DRC5: variants seen among roughly 807,000 people sequenced by gnomAD.
The protein encoded by DRC5 is T-complex-associated testis-expressed protein 1.
the DRC5 span, chr6:44,280,033 G>T: frequency 1.4e-6 from 1 of 709,062 alleles, no homozygotes; most frequent in Non-Finnish European, 2.4e-6. Flanking sequence ...CCTGCCTCAT[G>T]TCTCCATCCA....
chr6:44,282,386 G>A, the DRC5 span: 1 of 1,614,078 alleles, frequency 6.2e-7, no homozygotes, highest in Non-Finnish European at 8.5e-7. Context: ...TGTTAGCCAG[G>A]TTGAGCACAC....
At chr6:44,280,057 C>A in the DRC5 span, 4 of 859,052 alleles carry the variant, frequency 4.7e-6, no homozygotes, top group Non-Finnish European at 7.4e-6. Flanking sequence ...AACCCTTGAT[C>A]ACTCCAAGGT....
the DRC5 span, chr6:44,287,917 A>G: frequency 1.3e-6 from 2 of 1,483,618 alleles, no homozygotes; most frequent in South Asian, 2.7e-5. Context: ...ACAGGTAGGG[A>G]TCTGGAGCAA....
the DRC5 span, among the ~76,000 whole-genome samples, chr6:44,291,045 T>A: frequency 6.6e-6 from 1 of 152,210 alleles, no homozygotes; most frequent in Non-Finnish European, 1.5e-5. Context: ...TCGGGGCATG[T>A]TCCAGGGCCC....
At chr6:44,297,243 G>T in the DRC5 span, among the ~76,000 whole-genome samples, 3 of 152,204 alleles carry the variant, frequency 2.0e-5, no homozygotes, top group African/African-American at 7.2e-5. Flanking sequence ...CCGCACCCGC[G>T]GGAGGGATTA....
At chr6:44,284,809 A>G in the DRC5 span, among the ~76,000 whole-genome samples, 1 of 151,820 alleles carries the variant, frequency 6.6e-6, no homozygotes, top group African/African-American at 2.4e-5. Context: ...AATGACCCTC[A>G]CCCTCACCTG....
the DRC5 span, chr6:44,287,585 C>T: frequency 6.2e-7 from 1 of 1,613,882 alleles, no homozygotes; most frequent in South Asian, 1.1e-5. Flanking sequence ...ATGCAGAGCT[C>T]TGTGAGGAGG....
chr6:44,287,312 G>A, the DRC5 span: 3 of 854,218 alleles, frequency 3.5e-6, no homozygotes, highest in Non-Finnish European at 4.2e-6. Flanking sequence ...GGAGAGGGCA[G>A]AGGCATGGAG....
At chr6:44,284,943 TA>T in the DRC5 span, among the ~76,000 whole-genome samples, 1 of 152,204 alleles carries the variant, frequency 6.6e-6, no homozygotes, top group Non-Finnish European at 1.5e-5. Context: ...CTTTTTTGCC[TA>T]AAACCCTTGG....
chr6:44,287,338 G>T, the DRC5 span: 1 of 679,716 alleles, frequency 1.5e-6, no homozygotes, highest in Admixed American at 6.3e-5. Context: ...AGTGTGGGTG[G>T]GAGTCTGGTG....
At chr6:44,296,400 G>T in the DRC5 span, among the ~76,000 whole-genome samples, 1 of 152,296 alleles carries the variant, frequency 6.6e-6, no homozygotes, top group Admixed American at 6.5e-5. Context: ...TCCTTTGGAG[G>T]GTGCAAGGAG....
At chr6:44,287,646 C>T in the DRC5 span, 1 of 1,614,140 alleles carries the variant, frequency 6.2e-7, no homozygotes, top group Non-Finnish European at 8.5e-7. Flanking sequence ...TCCGGCGCAT[C>T]CGACGGATAT....
chr6:44,288,993 CAAAAAAAAA>C, the DRC5 span, among the ~76,000 whole-genome samples: 51 of 32,826 alleles, frequency 1.6e-3, no homozygotes, highest in South Asian at 0.018. Context: ...GACTCTGTCT[CAAAAAAAAA>C]AAAAAAAAAA....
At chr6:44,296,138 A>T in the DRC5 span, among the ~76,000 whole-genome samples, 2 of 152,328 alleles carry the variant, frequency 1.3e-5, no homozygotes, top group East Asian at 3.9e-4. Flanking sequence ...GGAGAAGCTG[A>T]GGTTTTAGTT....
the DRC5 span, among the ~76,000 whole-genome samples, chr6:44,283,458 T>C: frequency 1.3e-5 from 2 of 152,088 alleles, no homozygotes; most frequent in Non-Finnish European, 2.9e-5. Flanking sequence ...TGGGAACCTC[T>C]CCCCCTCACC....
chr6:44,286,443 T>C, the DRC5 span: 2 of 1,614,164 alleles, frequency 1.2e-6, no homozygotes, highest in South Asian at 2.2e-5. Flanking sequence ...TCTATCAGGT[T>C]GGCGGTCACA....
chr6:44,289,022 A>AAAG, the DRC5 span, among the ~76,000 whole-genome samples: 9 of 136,562 alleles, frequency 6.6e-5, no homozygotes, highest in East Asian at 2.5e-4. Context: ...AAAAAAAAAA[A>AAAG]GAAAAACAGG....
chr6:44,287,998 G>T, the DRC5 span: 1 of 771,060 alleles, frequency 1.3e-6, no homozygotes, highest in African/African-American at 1.8e-5. Flanking sequence ...GTACAGAATA[G>T]TGCTTAACGA....
At chr6:44,286,810 T>C in the DRC5 span, among the ~76,000 whole-genome samples, 2 of 152,246 alleles carry the variant, frequency 1.3e-5, no homozygotes, top group Non-Finnish European at 2.9e-5. Context: ...AATTATCACC[T>C]GGTCTGATGG....
Sources: allele counts gnomAD v4.1 joint callset (sites outside exome capture counted in the v4.1 genomes callset), GRCh38; gene constraint gnomAD v4.1.1; transcripts MANE v1.5; gene names NCBI Gene and HGNC (gene_info 2026-07-23, HGNC 2026-07-21).